GALNT7: variants seen among roughly 807,000 people sequenced by gnomAD.
The protein encoded by GALNT7 is N-acetylgalactosaminyltransferase 7.
GALNT7 carries 60 observed loss-of-function variants against 82.1 expected under a neutral mutation model. That is an observed-to-expected ratio of 0.73 (90% confidence interval 0.59 to 0.91). The LOEUF is 0.91. Among genes scored for constraint, GALNT7 ranks in the 40% least tolerant of loss-of-function variants. The probability of loss-of-function intolerance (pLI) is 0.00; values close to 1 mark genes in which losing one functional copy is unlikely to be tolerated. For missense variants in GALNT7, 660 were observed against 804.2 expected (o/e 0.82, Z 2.17); for synonymous variants, 243 against 275.1 (o/e 0.88, Z 1.15).
In GALNT7 at chr4:173,285,469, T is replaced by C. The variant is rs563575613; in HGVS notation, c.588-6639T>C. ...AGAAGCAGTTTGCAACCTTAAAACA[T>C]TTAGCAAAGCTAGTATCTGACCTGC... On this transcript the variant is annotated intron_variant, in intron 2 of 11. Transcript: ENST00000265000. 2.4e-4 allele frequency among the ~76,000 whole-genome samples: 36 copies of C among 152,338 alleles called. No homozygotes were observed. The South Asian group carries it at 7.0e-3, about 30-fold the overall frequency.
intron 2 of GALNT7, among the ~76,000 whole-genome samples, chr4:173,250,588 C>T (rs1734812420): frequency 6.6e-6 from 1 of 152,146 alleles, no homozygotes; most frequent in Non-Finnish European, 1.5e-5. Context: ...TGGAATCCTG[C>T]AGAAGTCTCG....
chr4:173,310,500 G>A (rs921350483), intron 8 of GALNT7, among the ~76,000 whole-genome samples: 1 of 152,084 alleles, frequency 6.6e-6, no homozygotes, highest in African/African-American at 2.4e-5. Flanking sequence ...CGGTGTCATT[G>A]ATCTGAAAAT....
intron 1 of GALNT7, among the ~76,000 whole-genome samples, chr4:173,228,685 A>G (rs1316172059): frequency 6.9e-6 from 1 of 145,714 alleles, no homozygotes; most frequent in Non-Finnish European, 1.5e-5. Context: ...TGGCTTTACA[A>G]AAAAAACTCT....
chr4:173,198,576 C>G (rs1227036321), intron 1 of GALNT7, among the ~76,000 whole-genome samples: 1 of 152,166 alleles, frequency 6.6e-6, no homozygotes, highest in Non-Finnish European at 1.5e-5. Flanking sequence ...TTATACCTGC[C>G]TCTTAAAGAT....
intron 10 of GALNT7, 102 bp from the exon 11 acceptor site, chr4:173,318,325 AAGTT>A (rs1035948745): frequency 1.5e-5 from 12 of 793,686 alleles, no homozygotes; most frequent in African/African-American, 5.4e-5. Flanking sequence ...ATGGAAAAAT[AAGTT>A]AGTCATTCAA....
intron 8 of GALNT7, among the ~76,000 whole-genome samples, chr4:173,308,094 G>C (rs1484889970): frequency 6.6e-6 from 1 of 152,142 alleles, no homozygotes; most frequent in Non-Finnish European, 1.5e-5. Flanking sequence ...GACCTCACAG[G>C]TGATCCTGTC....
intron 1 of GALNT7, among the ~76,000 whole-genome samples, chr4:173,189,997 T>TC (rs1158799782): frequency 6.6e-6 from 1 of 152,134 alleles, no homozygotes; most frequent in Non-Finnish European, 1.5e-5. Flanking sequence ...AATGTTAGTT[T>TC]TTTTTTTTTT....
intron 8 of GALNT7, among the ~76,000 whole-genome samples, chr4:173,312,831 G>A (rs1737438869): frequency 6.6e-6 from 1 of 152,170 alleles, no homozygotes; most frequent in South Asian, 2.1e-4. Context: ...AGCCAAGGCA[G>A]GCAGATTGCT....
chr4:173,214,182 A>G (rs1733368869), intron 1 of GALNT7, among the ~76,000 whole-genome samples: 1 of 152,120 alleles, frequency 6.6e-6, no homozygotes, highest in South Asian at 2.1e-4. Context: ...AGAAGTGATC[A>G]TTATACTGTA....
chr4:173,224,788 G>A (rs1204767111), intron 1 of GALNT7, among the ~76,000 whole-genome samples: 7 of 151,768 alleles, frequency 4.6e-5, no homozygotes, highest in Non-Finnish European at 7.4e-5. Context: ...CGAGGCGGGC[G>A]GATCACGAGG....
At chr4:173,310,041 TAGTG>T (rs1737321093) in intron 8 of GALNT7, among the ~76,000 whole-genome samples, 1 of 152,192 alleles carries the variant, frequency 6.6e-6, no homozygotes, top group Non-Finnish European at 1.5e-5. Context: ...AGCATACACT[TAGTG>T]AGTACCCAGC....
At chr4:173,185,244 C>CCTGA (rs1198012261) in intron 1 of GALNT7, among the ~76,000 whole-genome samples, 1 of 152,166 alleles carries the variant, frequency 6.6e-6, no homozygotes, top group Non-Finnish European at 1.5e-5. Flanking sequence ...CCAGAGAAGA[C>CCTGA]TCAGGTTCAC....
chr4:173,253,151 G>A (rs951191423), intron 2 of GALNT7, among the ~76,000 whole-genome samples: 7 of 151,418 alleles, frequency 4.6e-5, no homozygotes, highest in Non-Finnish European at 8.8e-5. Context: ...GCAGTGAGCC[G>A]AGATCACACC....
In GALNT7 at chr4:173,168,955, G is replaced by A. The variant is rs745836010; in HGVS notation, c.120G>A (p.Arg40=). Residue 40 remains arginine (R), a synonymous_variant, in exon 1 of 12, where the codon AGG becomes AGA. Transcript: ENST00000265000. The part of the protein sequence containing the change: ...PRPDDPSPLS[R]MREDRDVNDP... ...CGGACGACCCAAGCCCGCTGAGCAG[G>A]ATGAGGGTGAGTGACCCGCCCGGCC... 1.2e-6 allele frequency: 2 copies of A among 1,613,376 alleles called. No individual in the cohort carries two copies. The highest frequency in any genetic ancestry group is 1.1e-5 in the South Asian group (1 of 91,070).
intron 1 of GALNT7, among the ~76,000 whole-genome samples, chr4:173,247,298 T>C (rs1172634340): frequency 6.6e-6 from 1 of 151,096 alleles, no homozygotes; most frequent in Non-Finnish European, 1.5e-5. Context: ...TGAATATCCT[T>C]GTACAAAGAA....
chr4:173,263,326 T>C (rs1049464543), intron 2 of GALNT7, among the ~76,000 whole-genome samples: 1 of 152,224 alleles, frequency 6.6e-6, no homozygotes, highest in African/African-American at 2.4e-5. Flanking sequence ...TAAAATTTAA[T>C]CTCTTATACT....
intron 2 of GALNT7, among the ~76,000 whole-genome samples, chr4:173,273,011 G>C (rs1052347424): frequency 1.3e-5 from 2 of 152,098 alleles, no homozygotes; most frequent in Non-Finnish European, 2.9e-5. Context: ...AACCAATCCT[G>C]TAATATCTAA....
chr4:173,231,032 C>T (rs1326491426), intron 1 of GALNT7, among the ~76,000 whole-genome samples: 1 of 152,192 alleles, frequency 6.6e-6, no homozygotes, highest in East Asian at 1.9e-4. Context: ...GTTTGAACAT[C>T]TAAAAATTCA....
chr4:173,178,052 T>TGTGC (rs563102408), intron 1 of GALNT7, among the ~76,000 whole-genome samples: 293 of 129,484 alleles, frequency 2.3e-3, no homozygotes, highest in African/African-American at 4.5e-3. Context: ...TGTGTGTGTG[T>TGTGC]GCGCGCACGC....
Sources: allele counts gnomAD v4.1 joint callset (sites outside exome capture counted in the v4.1 genomes callset), GRCh38; gene constraint gnomAD v4.1.1; transcripts MANE v1.5; gene names NCBI Gene and HGNC (gene_info 2026-07-23, HGNC 2026-07-21).